The following UTRN variants were observed in gnomAD, a reference collection of about 807,000 sequenced individuals.
The protein encoded by UTRN is utrophin.
UTRN carries 283 observed loss-of-function variants against 463.9 expected under a neutral mutation model. That is an observed-to-expected ratio of 0.61 (90% CI 0.55 to 0.67). The LOEUF is 0.67. Ranked by LOEUF, UTRN falls within the 30% of genes least tolerant of loss-of-function variation. The pLI is 0.00. For missense variants in UTRN, 3,922 were observed against 4,084.3 expected, an observed-to-expected ratio of 0.96 and a Z score of 1.08; for synonymous variants, 1,442 against 1,431.5, an observed-to-expected ratio of 1.01 and a Z score of -0.17.
chr6:144,704,884 C>T (rs1784934960), intron 53 of UTRN, among the ~76,000 whole-genome samples: 2 of 152,084 alleles, frequency 1.3e-5, no homozygotes, highest in South Asian at 4.1e-4. Flanking sequence ...ATTGCTGGAA[C>T]CCAGGAGGCA....
chr6:144,342,851 T>C (rs1777249622), intron 2 of UTRN, among the ~76,000 whole-genome samples: 1 of 152,190 alleles, frequency 6.6e-6, no homozygotes, highest in African/African-American at 2.4e-5. Context: ...CAAAAAAAGA[T>C]CAATGGGTAT....
chr6:144,511,317 T>C (rs1301074520), intron 35 of UTRN, among the ~76,000 whole-genome samples, 194 bp downstream of exon 35: 3 of 152,266 alleles, frequency 2.0e-5, no homozygotes, highest in Non-Finnish European at 4.4e-5. Context: ...ATTTACAGTG[T>C]TTCTAAATAT....
At chr6:144,620,392 C>G (rs1775230858) in intron 51 of UTRN, among the ~76,000 whole-genome samples, 1 of 152,016 alleles carries the variant, frequency 6.6e-6, no homozygotes. Context: ...AAGGCTCCAT[C>G]TGCTTAATTG....
intron 43 of UTRN, 140 bp from the exon 44 acceptor site, chr6:144,537,442 A>G (rs1797638102): frequency 2.1e-6 from 1 of 477,176 alleles, no homozygotes; most frequent in African/African-American, 2.0e-5. Context: ...ACATTGTTTC[A>G]CTTAAAATAT....
At chr6:144,793,543 C>T (rs559974844) in intron 62 of UTRN, among the ~76,000 whole-genome samples, 7 of 152,042 alleles carry the variant, frequency 4.6e-5, no homozygotes, top group Admixed American at 2.0e-4. Flanking sequence ...AGGAAATTTG[C>T]ATTTATTGAT....
At chr6:144,568,011 A>C (rs1203325547) in intron 50 of UTRN, among the ~76,000 whole-genome samples, 1 of 152,194 alleles carries the variant, frequency 6.6e-6, no homozygotes, top group African/African-American at 2.4e-5. Flanking sequence ...TTATTGTGTT[A>C]CAAAATGATT....
intron 65 of UTRN, among the ~76,000 whole-genome samples, chr6:144,809,620 G>A (rs1040778504): frequency 6.6e-6 from 1 of 152,080 alleles, no homozygotes; most frequent in African/African-American, 2.4e-5. Flanking sequence ...TTTAAGTTAT[G>A]ATGAGGCCTG....
At chr6:144,339,409 GCA>G (rs1489436838) in intron 2 of UTRN, among the ~76,000 whole-genome samples, 1 of 152,156 alleles carries the variant, frequency 6.6e-6, no homozygotes, top group Non-Finnish European at 1.5e-5. Flanking sequence ...GGGGGCAATT[GCA>G]GAAATTTGAA....
chr6:144,555,803 G>A (rs754818370), intron 49 of UTRN, among the ~76,000 whole-genome samples: 1 of 152,124 alleles, frequency 6.6e-6, no homozygotes, highest in Non-Finnish European at 1.5e-5. Flanking sequence ...CTCCTCCTTC[G>A]ATTGGACATG....
At chr6:144,778,599 G>A (rs2128736723) in intron 60 of UTRN, among the ~76,000 whole-genome samples, 1 of 149,830 alleles carries the variant, frequency 6.7e-6, no homozygotes, top group South Asian at 2.1e-4. Flanking sequence ...GAAGATAGGG[G>A]AAATGCTAAT....
chr6:144,364,172 G>T (rs942638071), intron 2 of UTRN, among the ~76,000 whole-genome samples: 1 of 152,166 alleles, frequency 6.6e-6, no homozygotes, highest in Non-Finnish European at 1.5e-5. Flanking sequence ...CAATATTTGC[G>T]ATTCCACTGC....
chr6:144,524,289 T>A (rs2128597502), intron 41 of UTRN, among the ~76,000 whole-genome samples: 1 of 152,284 alleles, frequency 6.6e-6, no homozygotes, highest in Admixed American at 6.5e-5. Context: ...TTAGGCTTGA[T>A]CATTAGATGA....
chr6:144,838,423 A>T (rs182021568), intron 71 of UTRN, among the ~76,000 whole-genome samples: 411 of 152,360 alleles, frequency 2.7e-3, no homozygotes, highest in Admixed American at 6.9e-3. Context: ...GGCTTCAACT[A>T]ATATAGATTT....
chr6:144,808,940 G>C (rs1778375537), intron 65 of UTRN, among the ~76,000 whole-genome samples: 1 of 151,850 alleles, frequency 6.6e-6, no homozygotes. Context: ...CCATATCTTG[G>C]CTATTGTGAA....
intron 18 of UTRN, among the ~76,000 whole-genome samples, chr6:144,453,372 C>A (rs187313731): frequency 1.1e-4 from 17 of 152,202 alleles, no homozygotes; most frequent in Admixed American, 5.9e-4. Context: ...ATCCACCCCC[C>A]TCAGCCTTCC....
In UTRN at chr6:144,803,118, C is replaced by T; in HGVS notation, c.9328C>T (p.His3110Tyr). 1.9e-6 allele frequency: 3 copies of T among 1,569,458 alleles called. No individual in the cohort carries two copies. The highest frequency in any genetic ancestry group is 2.6e-6 in the Non-Finnish European group (3 of 1,156,566). The stretch of plus-strand genomic sequence containing the variant: ...TCGAACAGCAAAAGGTCACAAATTA[C>T]ATTACCCAATGGTGGAATATTGTAT... The part of the protein sequence containing the change: ...SGRTAKGHKL[H>Y]YPMVEYCIPT... The change falls in exon 65 of 75, where the codon CAT (histidine) becomes TAT (tyrosine). Residue 3110 changes from histidine to tyrosine, a missense_variant. Around this residue, in one of 3 missense-constraint regions of UTRN, gnomAD observed 1,309 missense variants for 1,452.6 expected, o/e 0.90. Coordinates refer to ENST00000367545, the MANE Select transcript of UTRN (RefSeq NM_007124.3).
chr6:144,398,041 G>T, intron 2 of UTRN: 2 of 237,364 alleles, frequency 8.4e-6, no homozygotes, highest in South Asian at 7.5e-5. Flanking sequence ...CATTGCTGAT[G>T]ATTGGCATTT....
At chr6:144,416,284 T>A (rs1395933845) in intron 3 of UTRN, among the ~76,000 whole-genome samples, 1 of 152,196 alleles carries the variant, frequency 6.6e-6, no homozygotes, top group Non-Finnish European at 1.5e-5. Context: ...AGGTTATACA[T>A]ATAAATTCAG....
rs546659364 is a variant in UTRN at position 144,728,570 on chromosome 6, C to T, written c.7810-1787C>T. On this transcript the variant is annotated intron_variant, in intron 53 of 74. Coordinates refer to ENST00000367545, the MANE Select transcript of UTRN (RefSeq NM_007124.3). ...GAGATGATGGAAGGTTTGTTATCCC[C>T]GCCCCCACCCACCAACATAGTCATT... 4.6e-5 allele frequency among the ~76,000 whole-genome samples: 7 copies of T among 151,532 alleles called. No homozygotes were observed. In the East Asian group the frequency reaches 5.8e-4, roughly 13 times the overall value.
Sources: allele counts gnomAD v4.1 joint callset (sites outside exome capture counted in the v4.1 genomes callset), GRCh38; gene constraint gnomAD v4.1.1; regional missense constraint gnomAD v4.1.1; transcripts MANE v1.5; gene names NCBI Gene and HGNC (gene_info 2026-07-23, HGNC 2026-07-21).